The following ST6GALNAC5 variants were observed in gnomAD, a reference collection of about 807,000 sequenced individuals.
ST6GALNAC5 encodes the protein ST6 N-acetylgalactosaminide alpha-2,6-sialyltransferase 5, also known as alpha-N-acetylgalactosaminide alpha-2,6-sialyltransferase 5.
ST6GALNAC5 carries 27 observed loss-of-function variants against 33.6 expected under a neutral mutation model. The ratio of observed to expected loss-of-function variants is 0.80; its 90% CI spans 0.59 to 1.11. The LOEUF (loss-of-function observed/expected upper bound fraction) is 1.11. Among genes scored for constraint, ST6GALNAC5 ranks in the 50% least tolerant of loss-of-function variants. ST6GALNAC5 has a pLI of 0.00. For missense variants in ST6GALNAC5, 428 were observed against 454.0 expected (o/e 0.94, Z 0.52); for synonymous variants, 194 against 171.2 (o/e 1.13, Z -1.04).
At chr1:76,886,201 T>G (rs1031311499) in intron 2 of ST6GALNAC5, among the ~76,000 whole-genome samples, 1 of 152,238 alleles carries the variant, frequency 6.6e-6, no homozygotes, top group Non-Finnish European at 1.5e-5. Flanking sequence ...TTTTCTTAAT[T>G]AGCAACCTCT....
At chr1:76,950,887 G>A (rs1647715879) in intron 2 of ST6GALNAC5, among the ~76,000 whole-genome samples, 2 of 152,022 alleles carry the variant, frequency 1.3e-5, no homozygotes, top group African/African-American at 2.4e-5. Flanking sequence ...GATAGCAAGT[G>A]TAAAATGCTT....
chr1:77,014,379 T>C (rs1650747567), intron 2 of ST6GALNAC5, among the ~76,000 whole-genome samples: 1 of 152,174 alleles, frequency 6.6e-6, no homozygotes, highest in Non-Finnish European at 1.5e-5. Flanking sequence ...CATGGGTGAT[T>C]TACAGACAAT....
At chr1:77,010,098 AT>A (rs1395760113) in intron 2 of ST6GALNAC5, among the ~76,000 whole-genome samples, 1 of 152,156 alleles carries the variant, frequency 6.6e-6, no homozygotes, top group Non-Finnish European at 1.5e-5. Context: ...TTCTGGTATG[AT>A]TTACTGTGTC....
intron 4 of ST6GALNAC5, among the ~76,000 whole-genome samples, chr1:77,051,621 T>C (rs1422013606): frequency 2.0e-5 from 3 of 152,178 alleles, no homozygotes; most frequent in South Asian, 2.1e-4. Context: ...GAACAGTGCC[T>C]AGTAAGTACA....
At chr1:76,991,903 A>G (rs905354964) in intron 2 of ST6GALNAC5, among the ~76,000 whole-genome samples, 4 of 152,234 alleles carry the variant, frequency 2.6e-5, no homozygotes, top group Middle Eastern at 3.4e-3. Context: ...AACTTTTAAA[A>G]TATTTCATGG....
At chr1:76,969,880 A>C (rs1484481711) in intron 2 of ST6GALNAC5, among the ~76,000 whole-genome samples, 1 of 152,196 alleles carries the variant, frequency 6.6e-6, no homozygotes, top group Admixed American at 6.5e-5. Flanking sequence ...GCTGTTCTGC[A>C]GCCTCTGCTG....
chr1:76,975,742 A>G (rs1648983494), intron 2 of ST6GALNAC5, among the ~76,000 whole-genome samples: 1 of 152,200 alleles, frequency 6.6e-6, no homozygotes. Context: ...GTGTTTAGGA[A>G]TGCGTATTTT....
chr1:77,013,427 G>A (rs1360825237), intron 2 of ST6GALNAC5, among the ~76,000 whole-genome samples: 1 of 152,162 alleles, frequency 6.6e-6, no homozygotes, highest in African/African-American at 2.4e-5. Flanking sequence ...TCTGAGTTTT[G>A]GCCAGGAGGT....
intron 2 of ST6GALNAC5, among the ~76,000 whole-genome samples, chr1:76,905,502 G>C (rs1485108602): frequency 6.6e-6 from 1 of 152,124 alleles, no homozygotes; most frequent in African/African-American, 2.4e-5. Flanking sequence ...TTTCTCCACT[G>C]TGTGCTTATG....
rs147576365 is a variant in ST6GALNAC5, at chr1:76,942,000, C to T, written c.261+73258C>T. On this transcript the variant is annotated intron_variant, in intron 2 of 4. Coordinates refer to ENST00000477717, the MANE Select transcript of ST6GALNAC5 (RefSeq NM_030965.3). Reference sequence around the variant, plus strand: ...CTAGTTGTGTGGGTGAAGAGATAGGCGGGCCTTAAATGGCAGAAGGAGTGA... The same window carrying T: ...CTAGTTGTGTGGGTGAAGAGATAGGTGGGCCTTAAATGGCAGAAGGAGTGA... 2.7e-3 allele frequency among the ~76,000 whole-genome samples: 405 copies of T among 152,152 alleles called. 3 individuals carry two copies. The highest frequency in any genetic ancestry group is 9.4e-3 in the African/African-American group (390 of 41,552).
chr1:76,938,323 A>G (rs1647243108), intron 2 of ST6GALNAC5, among the ~76,000 whole-genome samples: 2 of 152,042 alleles, frequency 1.3e-5, no homozygotes, highest in South Asian at 4.1e-4. Context: ...AAGAGAAAGG[A>G]GGACTGGCTG....
At chr1:76,887,372 G>A (rs1653920713) in intron 2 of ST6GALNAC5, among the ~76,000 whole-genome samples, 1 of 152,158 alleles carries the variant, frequency 6.6e-6, no homozygotes, top group African/African-American at 2.4e-5. Context: ...ATGTGAGCAT[G>A]TTATGGTTCA....
At chr1:77,056,582 G>A (rs73005331) in intron 4 of ST6GALNAC5, among the ~76,000 whole-genome samples, 5,488 of 152,256 alleles carry the variant, frequency 0.036, 198 homozygotes, top group African/African-American at 0.093. Flanking sequence ...ATTAGCTAGC[G>A]AACATTAATA....
At chr1:76,942,060 T>C (rs1647354431) in intron 2 of ST6GALNAC5, among the ~76,000 whole-genome samples, 1 of 152,054 alleles carries the variant, frequency 6.6e-6, no homozygotes, top group South Asian at 2.1e-4. Flanking sequence ...AGACATGAAA[T>C]CACTAGGCGG....
At chr1:77,013,343 T>A (rs1336374638) in intron 2 of ST6GALNAC5, among the ~76,000 whole-genome samples, 3 of 152,222 alleles carry the variant, frequency 2.0e-5, no homozygotes, top group African/African-American at 7.2e-5. Flanking sequence ...CCATTCAGCC[T>A]CGTTTGTGAA....
chr1:76,921,975 G>A lies in ST6GALNAC5; in HGVS notation c.261+53233G>A, dbSNP rs531242785. ...AATGAAAGGACGTTTGGCATCATTC[G>A]TATTAAGTATGGTGCTGGAAGTTCC... On this transcript the variant is annotated intron_variant, in intron 2 of 4. Transcript: ENST00000477717. Among the ~76,000 whole-genome samples, 9 of 152,220 alleles carry A rather than the reference G, an allele frequency of 5.9e-5. No homozygotes were observed. The East Asian group carries it at 9.7e-4, about 16-fold the overall frequency.
In ST6GALNAC5 at chr1:77,065,085, T is replaced by C. The variant is rs1477123575; in HGVS notation, c.*1879T>C. On this transcript the variant is annotated 3_prime_UTR_variant, in exon 5 of 5. Coordinates refer to ENST00000477717, the MANE Select transcript of ST6GALNAC5 (RefSeq NM_030965.3). ...GTTTTTAAAGGGACTATGAATTTTA[T>C]TCCAACACATTGTCTTCCACAGCAT... The C allele has an allele frequency of 6.6e-6, 1 of 152,248 alleles. No individual in the cohort carries two copies. Among genetic ancestry groups the C allele is most frequent in the Non-Finnish European group, 1.5e-5 (1 of 68,042 alleles). 9.4% of individuals were successfully genotyped at this position (152,248 alleles called of 1,614,324 possible). A position where few individuals can be genotyped will look rare whatever the true frequency, so the allele number is the denominator to read the frequency against.
chr1:77,005,446 T>C (rs1345431436), intron 2 of ST6GALNAC5, among the ~76,000 whole-genome samples: 1 of 152,236 alleles, frequency 6.6e-6, no homozygotes, highest in Non-Finnish European at 1.5e-5. Flanking sequence ...AAATCACCCG[T>C]CTTCTGCGTC....
At chr1:76,991,863 A>G (rs1308806192) in intron 2 of ST6GALNAC5, among the ~76,000 whole-genome samples, 1 of 151,808 alleles carries the variant, frequency 6.6e-6, no homozygotes, top group Admixed American at 6.6e-5. Context: ...ACACACACAC[A>G]CAGACACCCT....
Sources: gnomAD v4.1 joint callset for allele counts (sites outside exome capture counted in the v4.1 genomes callset) on GRCh38, gnomAD v4.1.1 for gene constraint, MANE v1.5 for transcripts, NCBI Gene and HGNC (gene_info 2026-07-23, HGNC 2026-07-21) for gene names.